Variants in VIT observed in about 807,000 individuals in gnomAD.
VIT encodes vitrin.
A neutral mutation model predicts 78.0 loss-of-function variants in VIT; 99 were observed. That is an observed-to-expected ratio of 1.27 (90% CI 1.08 to 1.50). The LOEUF is 1.50. VIT is among the 40% of genes most tolerant of loss of function. VIT has a pLI of 0.00. For synonymous variants in VIT, 374 were observed against 334.3 expected, an observed-to-expected ratio of 1.12 and a Z score of -1.29; for missense variants, 1,126 against 875.3, an observed-to-expected ratio of 1.29 and a Z score of -3.61.
At chr2:36,754,193 A>C (rs1328391214) in intron 4 of VIT, among the ~76,000 whole-genome samples, 1 of 151,912 alleles carries the variant, frequency 6.6e-6, no homozygotes, top group Non-Finnish European at 1.5e-5. Context: ...GGCAACTTTC[A>C]CTCCTGGAGG....
chr2:36,811,075 CAG>C (rs1667130461), intron 15 of VIT, among the ~76,000 whole-genome samples: 1 of 152,220 alleles, frequency 6.6e-6, no homozygotes, highest in Non-Finnish European at 1.5e-5. Context: ...GGGGTTCAGG[CAG>C]AGTCTTCCCG....
At chr2:36,805,258 C>T (rs560642407) in intron 13 of VIT, among the ~76,000 whole-genome samples, 180 bp from the exon 14 acceptor site, 40 of 145,206 alleles carry the variant, frequency 2.8e-4, no homozygotes, top group Admixed American at 2.2e-3. Flanking sequence ...GAGCTGTGAT[C>T]GAACCACTTC....
At chr2:36,769,594 A>C (rs181700100) in intron 7 of VIT, among the ~76,000 whole-genome samples, 50 of 152,326 alleles carry the variant, frequency 3.3e-4, no homozygotes, top group South Asian at 1.2e-3. Flanking sequence ...TAAAAGTTGT[A>C]TTGCCTATTC....
At chr2:36,766,240 G>C (rs576262021) in intron 6 of VIT, among the ~76,000 whole-genome samples, 2 of 152,174 alleles carry the variant, frequency 1.3e-5, no homozygotes, top group African/African-American at 2.4e-5. Flanking sequence ...TTTAGAAGTC[G>C]AATCTAGGCC....
chr2:36,755,022 T>A lies in VIT; in HGVS notation c.377T>A (p.Leu126Gln). ...TCCAACGGTGTCCAATCGTTATCCC[T>A]ACCACGATGGAGAGAATCCTTTATC... ...SYSNGVQSLSLPRWRESFIVL... is the reference protein window; with the variant it reads ...SYSNGVQSLSQPRWRESFIVL... Residue 126 changes from leucine (L) to glutamine (Q), a missense_variant, in exon 5 of 16, where the codon CTA (leucine) becomes CAA (glutamine). Coordinates refer to ENST00000379242, the MANE Select transcript of VIT (RefSeq NM_053276.4). The A allele has an allele frequency of 1.2e-6, 2 of 1,614,198 alleles. No homozygotes were observed. Among genetic ancestry groups the A allele is most frequent in the Non-Finnish European group, 1.7e-6 (2 of 1,180,006 alleles).
chr2:36,783,430 C>T (rs763713141), intron 11 of VIT, 28 bp downstream of exon 11: 1 of 1,611,828 alleles, frequency 6.2e-7, no homozygotes, highest in East Asian at 2.2e-5. Flanking sequence ...TAGAAACCCA[C>T]GGTGTCTTTG....
chr2:36,781,605 C>G, intron 9 of VIT, 122 bp from the exon 10 acceptor site: 5 of 1,095,200 alleles, frequency 4.6e-6, no homozygotes, highest in South Asian at 4.6e-5. Flanking sequence ...TTCTGGCCCT[C>G]TGTTCCTTTA....
chr2:36,749,028 C>G (rs1387820497), intron 4 of VIT, among the ~76,000 whole-genome samples: 1 of 152,182 alleles, frequency 6.6e-6, no homozygotes, highest in Non-Finnish European at 1.5e-5. Context: ...GGAAGTCATG[C>G]ATGGTCCTGC....
intron 6 of VIT, among the ~76,000 whole-genome samples, chr2:36,765,501 G>T (rs1171905887): frequency 2.7e-5 from 4 of 150,862 alleles, no homozygotes; most frequent in Non-Finnish European, 5.9e-5. Flanking sequence ...TCACTATCAT[G>T]AAAACAGCAT....
intron 6 of VIT, among the ~76,000 whole-genome samples, chr2:36,766,577 T>C (rs1208472463): frequency 6.6e-6 from 1 of 151,994 alleles, no homozygotes; most frequent in Non-Finnish European, 1.5e-5. Context: ...GCCATCCAGG[T>C]AGTTCTATTA....
intron 2 of VIT, among the ~76,000 whole-genome samples, chr2:36,726,294 T>C: frequency 6.6e-6 from 1 of 152,170 alleles, no homozygotes; most frequent in Non-Finnish European, 1.5e-5. Flanking sequence ...AAAGAACATT[T>C]AATGACATGA....
intron 1 of VIT, among the ~76,000 whole-genome samples, chr2:36,699,129 A>G (rs1020665267): frequency 7.9e-5 from 12 of 152,176 alleles, no homozygotes; most frequent in Non-Finnish European, 1.6e-4. Context: ...GGTGTGAGCC[A>G]AGCATCAGCA....
intron 7 of VIT, among the ~76,000 whole-genome samples, chr2:36,768,178 T>C (rs1669548102): frequency 6.6e-6 from 1 of 152,182 alleles, no homozygotes; most frequent in Non-Finnish European, 1.5e-5. Flanking sequence ...ACGCCTGTAA[T>C]CCCAGCACTT....
chr2:36,716,541 T>G, intron 2 of VIT, 119 bp downstream of exon 2: 1 of 796,224 alleles, frequency 1.3e-6, no homozygotes, highest in Non-Finnish European at 2.0e-6. Context: ...GTGTATCATT[T>G]TATAAGAAAC....
chr2:36,776,898 G>A (rs1006665891), intron 9 of VIT, among the ~76,000 whole-genome samples: 6 of 151,306 alleles, frequency 4.0e-5, no homozygotes, highest in African/African-American at 9.7e-5. Context: ...GACCATCCCG[G>A]CTAACACGGT....
chr2:36,773,059 C>G lies in VIT; in HGVS notation c.680-732C>G, dbSNP rs138339155. On this transcript the variant is annotated intron_variant, in intron 7 of 15. Transcript: ENST00000379242. The stretch of plus-strand genomic sequence containing the variant: ...GTAATTAACGATAACCCATTGTGTA[C>G]CTCTAAAAATGATGAAAAGCTAATT... Among the ~76,000 whole-genome samples, 33 of 152,252 alleles carry G rather than the reference C, an allele frequency of 2.2e-4. 1 individual carries two copies. In the East Asian group the frequency reaches 5.8e-3, roughly 27 times the overall value.
rs1667422543 is a variant in VIT, at chr2:36,814,456, C to G, written c.*95C>G. Reference sequence around the variant, plus strand: ...ATGGGGCACGCACGGTGCATCAAGTCTTGGGCAGGGCATGGAGAAACAAAT... The same window carrying G: ...ATGGGGCACGCACGGTGCATCAAGTGTTGGGCAGGGCATGGAGAAACAAAT... On this transcript the variant is annotated 3_prime_UTR_variant, in exon 16 of 16. Transcript: ENST00000379242. 4 of 1,426,412 alleles carry G rather than the reference C, an allele frequency of 2.8e-6. No individual in the cohort carries two copies. Among genetic ancestry groups the G allele is most frequent in the Non-Finnish European group, 3.8e-6 (4 of 1,050,988 alleles). The allele number at this position is 1,426,412 out of a possible 1,614,324, so 88.4% of individuals were successfully genotyped here.
At chr2:36,742,366 A>G (rs1667885624) in intron 3 of VIT, among the ~76,000 whole-genome samples, 1 of 152,202 alleles carries the variant, frequency 6.6e-6, no homozygotes, top group Admixed American at 6.5e-5. Flanking sequence ...AGAATGAATG[A>G]GCTTCCCCTG....
intron 6 of VIT, among the ~76,000 whole-genome samples, chr2:36,762,452 C>A (rs1041462214): frequency 6.6e-6 from 1 of 152,124 alleles, no homozygotes; most frequent in Admixed American, 6.5e-5. Flanking sequence ...ACGTGCAAGA[C>A]CCTGAGCTAA....
Sources: gnomAD v4.1 joint callset for allele counts (sites outside exome capture counted in the v4.1 genomes callset) on GRCh38, gnomAD v4.1.1 for gene constraint, MANE v1.5 for transcripts, NCBI Gene and HGNC (gene_info 2026-07-23, HGNC 2026-07-21) for gene names.